TCFL5: variants seen among roughly 807,000 people sequenced by gnomAD.
TCFL5 encodes the protein transcription factor-like 5 protein.
A neutral mutation model predicts 44.3 loss-of-function variants in TCFL5; 9 were observed. That is an observed-to-expected ratio of 0.20 (90% CI 0.12 to 0.35). The LOEUF (loss-of-function observed/expected upper bound fraction) is 0.35. Among genes scored for constraint, TCFL5 ranks in the 10% least tolerant of loss-of-function variants. TCFL5 has a pLI of 1.00. For synonymous variants in TCFL5, 319 were observed against 271.6 expected (o/e 1.17, Z -1.72); for missense variants, 603 against 613.4 (o/e 0.98, Z 0.18).
chr20:62,860,341 G>A, intron 1 of TCFL5, 33 bp from the exon 2 acceptor site: 2 of 1,573,072 alleles, frequency 1.3e-6, no homozygotes, highest in Non-Finnish European at 1.7e-6. Flanking sequence ...AGAAGTGTCA[G>A]CAATACGTGG....
chr20:62,858,724 C>CAGGTGTTTCCCAGGGAGGAAGGGACTAT (rs2063935691), intron 3 of TCFL5, among the ~76,000 whole-genome samples: 1 of 46,482 alleles, frequency 2.2e-5, no homozygotes, highest in South Asian at 7.3e-4. Flanking sequence ...GAAGGGGCTA[C>CAGGTGTTTCCCAGGGAGGAAGGGACTAT]GCAGGTGTTT....
intron 4 of TCFL5, among the ~76,000 whole-genome samples, chr20:62,856,962 G>A (rs1442526332): frequency 6.6e-6 from 1 of 152,178 alleles, no homozygotes; most frequent in Admixed American, 6.5e-5. Flanking sequence ...CATGGGGGCA[G>A]TGCCTACGTG....
intron 5 of TCFL5, chr20:62,845,280 C>T (rs769444996): frequency 1.0e-5 from 8 of 796,920 alleles, no homozygotes; most frequent in Admixed American, 5.1e-5. Context: ...TACCACCACG[C>T]CCGGCTAATT....
chr20:62,845,500 C>G (rs1350277179), intron 5 of TCFL5: 1 of 1,414,304 alleles, frequency 7.1e-7, no homozygotes, highest in Non-Finnish European at 9.2e-7. Context: ...ATTCTGACAC[C>G]TAAAGCCTAC....
intron 5 of TCFL5, among the ~76,000 whole-genome samples, chr20:62,848,751 C>A (rs780343131): frequency 3.3e-5 from 5 of 152,160 alleles, no homozygotes; most frequent in Admixed American, 6.5e-5. Context: ...AAAAAGTAAA[C>A]ACTGGGCCGG....
Position 62,841,918 on chromosome 20 carries a change from G to A in TCFL5, c.*57C>T, listed in dbSNP as rs957196569. On this transcript the variant is annotated 3_prime_UTR_variant, in exon 6 of 6. Transcript: ENST00000335351. ...GCAGAGCTCCAGGGTTGCAGAAGGC[G>A]TGCACAGGTCACGAAGGAATGGCTG... is the stretch of plus-strand genomic sequence containing the variant. 8.7e-6 allele frequency: 14 copies of A among 1,607,330 alleles called. No homozygotes were observed. The East Asian group carries it at 8.9e-5, about 10-fold the overall frequency.
In TCFL5 at chr20:62,858,002, A is replaced by C. The variant is rs942557832; in HGVS notation, c.995-364T>G. ...TAAAGGTCAGAATGGAAAAAAAAAAACAACAACAACAAACCACCTGGACAT... is the reference window on the plus strand; with the variant it reads ...TAAAGGTCAGAATGGAAAAAAAAAACCAACAACAACAAACCACCTGGACAT... On this transcript the variant is annotated intron_variant, in intron 3 of 5. Transcript: ENST00000335351. Among the ~76,000 whole-genome samples the C allele has an allele frequency of 7.9e-5, 12 of 151,538 alleles. No individual in the cohort carries two copies. The Middle Eastern group carries it at 0.017, about 216-fold the overall frequency.
chr20:62,853,677 T>C (rs1315246104), intron 5 of TCFL5, among the ~76,000 whole-genome samples: 1 of 152,182 alleles, frequency 6.6e-6, no homozygotes, highest in Non-Finnish European at 1.5e-5. Context: ...TTCTTGCTTT[T>C]ATCCCTTTCA....
At chr20:62,859,236 A>G in intron 3 of TCFL5, 128 bp downstream of exon 3, 1 of 849,670 alleles carries the variant, frequency 1.2e-6, no homozygotes, top group Non-Finnish European at 1.8e-6. Context: ...TGAGATACAC[A>G]GACACCTCCA....
intron 3 of TCFL5, 84 bp downstream of exon 3, chr20:62,859,280 C>T (rs1297142156): frequency 2.9e-6 from 4 of 1,398,908 alleles, no homozygotes; most frequent in Non-Finnish European, 3.9e-6. Context: ...CCATCTGTCT[C>T]CCCTGCCCCC....
At chr20:62,845,329 G>A in intron 5 of TCFL5, 1 of 1,007,888 alleles carries the variant, frequency 9.9e-7, no homozygotes, top group Non-Finnish European at 1.2e-6. Context: ...CACCGTATTG[G>A]CCAGGCTGGT....
chr20:62,849,982 T>C (rs1187563373), intron 5 of TCFL5, among the ~76,000 whole-genome samples: 3 of 151,666 alleles, frequency 2.0e-5, no homozygotes, highest in African/African-American at 7.3e-5. Context: ...AAATAAACAT[T>C]AAAATAAAAA....
At chr20:62,845,285 C>G (rs1454280033) in intron 5 of TCFL5, 2 of 807,464 alleles carry the variant, frequency 2.5e-6, no homozygotes, top group Non-Finnish European at 3.1e-6. Context: ...CCACGCCCGG[C>G]TAATTTTTGT....
intron 5 of TCFL5, among the ~76,000 whole-genome samples, chr20:62,846,985 G>A (rs994239141): frequency 2.6e-5 from 4 of 151,896 alleles, no homozygotes; most frequent in Non-Finnish European, 4.4e-5. Flanking sequence ...GGGAGTTCAC[G>A]ACCAGCCTCA....
intron 5 of TCFL5, among the ~76,000 whole-genome samples, chr20:62,844,565 T>TG (rs1555827370): frequency 2.7e-5 from 4 of 146,690 alleles, no homozygotes; most frequent in African/African-American, 1.1e-4. Context: ...TTTTCTGTTT[T>TG]TTTTTGTTTG....
In TCFL5 at chr20:62,861,252, G is replaced by C; in HGVS notation, c.419C>G (p.Ala140Gly). The C allele has an allele frequency of 8.4e-7, 1 of 1,194,876 alleles. No individual in the cohort carries two copies. The highest frequency in any genetic ancestry group is 1.7e-5 in the South Asian group (1 of 58,550). The allele number at this position is 1,194,876 out of a possible 1,614,324, so 74.0% of individuals were successfully genotyped here. ...RMMLLSEAGA[A>G]EKTSGGGDGA... is the part of the protein sequence containing the mutation. ...GTCCCCGCCGCCCGACGTCTTCTCC[G>C]CCGCGCCCGCCTCGCTTAGCAGCAT... Residue 140 changes from alanine (A) to glycine (G), a missense_variant, in exon 1 of 6, where the codon GCG (alanine) becomes GGG (glycine). Physicochemically the swap from Ala to Gly is moderately conservative, Grantham distance 60. Around this residue, in one of 4 missense-constraint regions of TCFL5, gnomAD observed 540 missense variants for 478.7 expected, o/e 1.13. Transcript: ENST00000335351. The surrounding 1 kb of genome is among the most constrained non-coding windows in gnomAD (Gnocchi z 4.0).
At chr20:62,860,850 A>G (rs570432261) in intron 1 of TCFL5, among the ~76,000 whole-genome samples, 174 bp downstream of exon 1, 2 of 152,182 alleles carry the variant, frequency 1.3e-5, no homozygotes, top group South Asian at 2.1e-4. Context: ...GGGCCCGCAC[A>G]GCGCACACAG....
At chr20:62,847,413 T>A (rs1352110998) in intron 5 of TCFL5, among the ~76,000 whole-genome samples, 1 of 151,972 alleles carries the variant, frequency 6.6e-6, no homozygotes, top group South Asian at 2.1e-4. Flanking sequence ...AAGAGCAAAT[T>A]ATGATGGAAA....
At chr20:62,848,555 T>G (rs181766239) in intron 5 of TCFL5, among the ~76,000 whole-genome samples, 26 of 152,164 alleles carry the variant, frequency 1.7e-4, no homozygotes, top group African/African-American at 6.3e-4. Flanking sequence ...CTGGCCAACA[T>G]GGCGAAACAC....
Sources: allele counts gnomAD v4.1 joint callset (sites outside exome capture counted in the v4.1 genomes callset), GRCh38; gene constraint gnomAD v4.1.1; regional missense constraint gnomAD v4.1.1; non-coding constraint Gnocchi (gnomAD v3.1); transcripts MANE v1.5; gene names NCBI Gene and HGNC (gene_info 2026-07-23, HGNC 2026-07-21).